Variants in PRELID2 observed in about 807,000 individuals in gnomAD.
PRELID2 encodes PRELI domain-containing protein 2.
Under a neutral mutation model 28.4 loss-of-function variants are expected in PRELID2, and 25 were observed. The ratio of observed to expected loss-of-function variants is 0.88; its 90% CI spans 0.64 to 1.23. PRELID2 has a LOEUF of 1.23. Ranked by LOEUF, PRELID2 falls within the 50% of genes most tolerant of loss-of-function variation. PRELID2 has a pLI of 0.00. For missense variants in PRELID2, 201 were observed against 214.4 expected (o/e 0.94, Z 0.39); for synonymous variants, 76 against 71.6 (o/e 1.06, Z -0.31).
chr5:145,566,833 C>T (rs1752971043), intron 1 of PRELID2, among the ~76,000 whole-genome samples: 1 of 132,342 alleles, frequency 7.6e-6, no homozygotes, highest in African/African-American at 3.2e-5. Flanking sequence ...GAGTGAGACT[C>T]CATCTCAAAA....
intron 1 of PRELID2, among the ~76,000 whole-genome samples, chr5:145,740,910 GTACATATA>G (rs1756689075): frequency 1.3e-5 from 1 of 78,340 alleles, no homozygotes; most frequent in South Asian, 4.7e-4. Context: ...AAATATATAT[GTACATATA>G]TTTATCGATA....
chr5:145,380,895 T>C, the PRELID2 span, among the ~76,000 whole-genome samples: 6 of 152,140 alleles, frequency 3.9e-5, no homozygotes, highest in East Asian at 1.2e-3. Context: ...ATCGGTGACC[T>C]AAAAAACTAT....
At chr5:145,479,820 T>C (rs918358291) in intron 1 of PRELID2, among the ~76,000 whole-genome samples, 14 of 152,200 alleles carry the variant, frequency 9.2e-5, no homozygotes, top group African/African-American at 3.4e-4. Flanking sequence ...GAATGGTTCA[T>C]TGTCATTTTC....
At chr5:145,635,862 T>A (rs1167739297) in intron 1 of PRELID2, among the ~76,000 whole-genome samples, 1 of 152,222 alleles carries the variant, frequency 6.6e-6, no homozygotes, top group African/African-American at 2.4e-5. Flanking sequence ...GTGATACCCA[T>A]AAGCTGGACA....
intron 1 of PRELID2, among the ~76,000 whole-genome samples, chr5:145,661,461 T>C (rs1754490844): frequency 6.6e-6 from 1 of 152,056 alleles, no homozygotes; most frequent in Non-Finnish European, 1.5e-5. Flanking sequence ...TCACACATTA[T>C]TATTAATCAT....
At chr5:145,569,371 T>G (rs1367845940) in intron 1 of PRELID2, among the ~76,000 whole-genome samples, 1 of 152,220 alleles carries the variant, frequency 6.6e-6, no homozygotes, top group Non-Finnish European at 1.5e-5. Context: ...CAGCCCTTAA[T>G]TGTAATTTTT....
At chr5:145,821,991 G>A (rs1754862414) in intron 2 of PRELID2, among the ~76,000 whole-genome samples, 1 of 152,198 alleles carries the variant, frequency 6.6e-6, no homozygotes, top group Non-Finnish European at 1.5e-5. Context: ...GCAGGTACAT[G>A]AGAAAATATT....
At chr5:145,291,524 T>C in the PRELID2 span, among the ~76,000 whole-genome samples, 1 of 152,012 alleles carries the variant, frequency 6.6e-6, no homozygotes, top group East Asian at 1.9e-4. Context: ...ACCTTGATTT[T>C]GAACTGCTAG....
At chr5:145,239,342 T>A in the PRELID2 span, among the ~76,000 whole-genome samples, 1 of 152,038 alleles carries the variant, frequency 6.6e-6, no homozygotes, top group South Asian at 2.1e-4. Flanking sequence ...GTTCCAGGAA[T>A]CACTTGGAGT....
the PRELID2 span, among the ~76,000 whole-genome samples, chr5:145,244,381 T>C: frequency 6.6e-6 from 1 of 152,090 alleles, no homozygotes; most frequent in Admixed American, 6.6e-5. Context: ...ATTCCAAGTA[T>C]TTAGCAAAGT....
In PRELID2 at chr5:145,546,017, A is replaced by G. The variant is rs141277212; in HGVS notation, n.71-72702T>C. Among the ~76,000 whole-genome samples, 769 of 152,286 alleles carry G rather than the reference A, an allele frequency of 5.0e-3. 10 individuals carry two copies. The highest frequency in any genetic ancestry group is 0.017 in the African/African-American group (703 of 41,566). ...AGGAAATGGAAATAAGGTCCATTAG[A>G]ACAGTGTTTCTCAAAATATGGTCCA... is the stretch of plus-strand genomic sequence containing the variant. On this transcript the variant is annotated intron_variant and non_coding_transcript_variant, in intron 1 of 2. Transcript: ENST00000510259.
chr5:145,259,995 G>A, the PRELID2 span, among the ~76,000 whole-genome samples: 106 of 152,242 alleles, frequency 7.0e-4, no homozygotes, highest in African/African-American at 2.3e-3. Context: ...GCACCATCCC[G>A]TTAGTGCTGT....
chr5:145,580,211 A>G (rs114762938), intron 1 of PRELID2, among the ~76,000 whole-genome samples: 160 of 152,198 alleles, frequency 1.1e-3, no homozygotes, highest in African/African-American at 3.6e-3. Context: ...TAATGTCACA[A>G]TGGGCTATAG....
Position 145,713,350 on chromosome 5 carries a change from T to TTATATATATATATATATA in PRELID2, n.70+51563_70+51580dup, listed in dbSNP as rs148194664. 7.6e-3 allele frequency among the ~76,000 whole-genome samples: 944 copies of TTATATATATATATATATA among 124,538 alleles called. 15 individuals carry two copies. Among genetic ancestry groups the TTATATATATATATATATA allele is most frequent in the African/African-American group, 0.025 (798 of 31,992 alleles). 81.7% of individuals were successfully genotyped at this position (124,538 alleles called of 152,430 possible). ...AGAACTCTAAGAATGATATCTGACT[T>TTATATATATATATATATA]TATATATATATATATATATACTTTA... On this transcript the variant is annotated intron_variant and non_coding_transcript_variant, in intron 1 of 2. Transcript: ENST00000510259.
the PRELID2 span, among the ~76,000 whole-genome samples, chr5:145,397,963 G>A: frequency 6.6e-6 from 1 of 152,144 alleles, no homozygotes; most frequent in African/African-American, 2.4e-5. Flanking sequence ...GGTGTGAGGC[G>A]ATGGCTGGTG....
chr5:145,593,631 A>G (rs1202222480), intron 1 of PRELID2, among the ~76,000 whole-genome samples: 2 of 152,238 alleles, frequency 1.3e-5, no homozygotes, highest in South Asian at 2.1e-4. Flanking sequence ...GAGGAAAGGC[A>G]AAGAGAAAGT....
chr5:145,739,195 A>G (rs568559108), intron 1 of PRELID2, among the ~76,000 whole-genome samples: 3 of 152,170 alleles, frequency 2.0e-5, no homozygotes, highest in Non-Finnish European at 4.4e-5. Context: ...CTAAACATAA[A>G]AACAATTTAA....
the PRELID2 span, among the ~76,000 whole-genome samples, chr5:145,466,214 A>T: frequency 1.3e-5 from 2 of 152,186 alleles, no homozygotes; most frequent in Non-Finnish European, 2.9e-5. Flanking sequence ...TACTCTCCAT[A>T]GGAAATTCAC....
intron 1 of PRELID2, among the ~76,000 whole-genome samples, chr5:145,556,177 C>CAAA (rs1231402100): frequency 1.4e-3 from 86 of 61,186 alleles, no homozygotes; most frequent in South Asian, 4.0e-3. Flanking sequence ...GACTCTATCT[C>CAAA]AAAAAAAAAA....
Sources: gnomAD v4.1 joint callset for allele counts (sites outside exome capture counted in the v4.1 genomes callset) on GRCh38, gnomAD v4.1.1 for gene constraint, MANE v1.5 for transcripts, NCBI Gene and HGNC (gene_info 2026-07-23, HGNC 2026-07-21) for gene names.